The following USP35 variants were observed in gnomAD, a reference collection of about 807,000 sequenced individuals.
USP35 encodes the protein ubiquitin specific peptidase 35, also known as ubiquitin carboxyl-terminal hydrolase 35.
A neutral mutation model predicts 83.8 loss-of-function variants in USP35; 69 were observed. The observed-to-expected ratio is 0.82, with a 90% CI of 0.68 to 1.01. The LOEUF (loss-of-function observed/expected upper bound fraction) is 1.01. USP35 is among the 50% of genes least tolerant of loss of function. USP35 has a pLI of 0.00. For synonymous variants in USP35, 714 were observed against 589.5 expected (o/e 1.21, Z -3.06); for missense variants, 1,503 against 1,362.5 (o/e 1.10, Z -1.62).
intron 2 of USP35, 32 bp from the exon 3 acceptor site, chr11:78,197,904 C>T: frequency 1.2e-6 from 2 of 1,606,750 alleles, no homozygotes; most frequent in Non-Finnish European, 1.7e-6. Flanking sequence ...GGCCTGCCTC[C>T]CTGCTAAGCT....
intron 10 of USP35, 29 bp from the exon 11 acceptor site, chr11:78,213,590 CTCTGGCTTCAGGGTGTGAATTCTAAGT>C: frequency 1.4e-6 from 2 of 1,432,824 alleles, no homozygotes; most frequent in East Asian, 5.6e-5. Flanking sequence ...GGTAGACTCA[CTCTGGCTTCAGGGTGTGAATTCTAAGT>C]CTAAGTCTCC....
chr11:78,233,857 G>T, the USP35 span, among the ~76,000 whole-genome samples: 1 of 152,134 alleles, frequency 6.6e-6, no homozygotes, highest in Non-Finnish European at 1.5e-5. Context: ...CAAGTTATCT[G>T]CCTGCTGCCT....
chr11:78,226,988 T>C, the USP35 span: 1 of 1,613,886 alleles, frequency 6.2e-7, no homozygotes, highest in East Asian at 2.2e-5. Flanking sequence ...GGGCAAGTTT[T>C]TGTACAGCTG....
downstream of USP35, chr11:78,219,526 G>T (rs1253904687): frequency 1.1e-5 from 10 of 938,434 alleles, no homozygotes; most frequent in African/African-American, 1.6e-5. Context: ...GAAGAGCATG[G>T]CCTCTGCCTG....
At chr11:78,206,130 A>T (rs1863524248) in intron 7 of USP35, 95 bp downstream of exon 7, 416 of 1,147,214 alleles carry the variant, frequency 3.6e-4, no homozygotes, top group Middle Eastern at 6.6e-4. Flanking sequence ...GGGGTTGGAG[A>T]GGGTGGGCCT....
chr11:78,225,169 C>A, the USP35 span: 2 of 1,613,316 alleles, frequency 1.2e-6, no homozygotes. Context: ...CTCTCCACCA[C>A]GCTGTGGGTA....
chr11:78,226,885 C>G, the USP35 span: 35 of 1,614,082 alleles, frequency 2.2e-5, no homozygotes, highest in Non-Finnish European at 2.8e-5. Context: ...TAGGTACTGT[C>G]TCTGAATTCT....
At chr11:78,234,816 C>G in the USP35 span, among the ~76,000 whole-genome samples, 1 of 151,950 alleles carries the variant, frequency 6.6e-6, no homozygotes, top group Non-Finnish European at 1.5e-5. Flanking sequence ...TCTTTGGTTG[C>G]TTGGCCAACA....
chr11:78,225,155 C>T, the USP35 span: 1 of 1,613,766 alleles, frequency 6.2e-7, no homozygotes, highest in Non-Finnish European at 8.5e-7. Flanking sequence ...GACCGGCCTG[C>T]ACTCTCTCCA....
chr11:78,234,322 A>G, the USP35 span, among the ~76,000 whole-genome samples: 2 of 152,094 alleles, frequency 1.3e-5, no homozygotes, highest in Non-Finnish European at 2.9e-5. Flanking sequence ...AGCTCAAGCA[A>G]TCTGCCCTTC....
At chr11:78,202,423 TTCATA>T (rs773276344) in intron 6 of USP35, among the ~76,000 whole-genome samples, 44 of 152,184 alleles carry the variant, frequency 2.9e-4, no homozygotes, top group Non-Finnish European at 3.5e-4. Flanking sequence ...GGGGTTCAAA[TTCATA>T]TCATTTTGGG....
chr11:78,214,398 T>TAGCTTCTCACAGCAGGAGGCC lies in USP35; in HGVS notation c.*586_*606dup, dbSNP rs1863993275. ...GGTTTTGGGGGGGGGGGCGGGGGGCTAGCTTCTCACAGCAGGAGGCCTTTG... is the reference window on the plus strand; with the variant it reads ...GGTTTTGGGGGGGGGGGCGGGGGGCTAGCTTCTCACAGCAGGAGGCCAGCTTCTCACAGCAGGAGGCCTTTG... On this transcript the variant is annotated 3_prime_UTR_variant, in exon 11 of 11. Coordinates refer to ENST00000529308, the MANE Select transcript of USP35 (RefSeq NM_020798.4). The TAGCTTCTCACAGCAGGAGGCC allele has an allele frequency of 9.8e-6, 1 of 102,342 alleles. No individual in the cohort carries two copies. Among genetic ancestry groups the TAGCTTCTCACAGCAGGAGGCC allele is most frequent in the African/African-American group, 3.3e-5 (1 of 30,530 alleles). 6.3% of individuals were successfully genotyped at this position (102,342 alleles called of 1,614,324 possible).
At chr11:78,212,358 G>A (rs560799859) in intron 10 of USP35, among the ~76,000 whole-genome samples, 1 of 152,324 alleles carries the variant, frequency 6.6e-6, no homozygotes, top group East Asian at 1.9e-4. Context: ...AGCATAGTTT[G>A]AAGTCAGGTA....
the USP35 span, among the ~76,000 whole-genome samples, chr11:78,235,282 A>C: frequency 1.3e-5 from 2 of 151,648 alleles, no homozygotes; most frequent in African/African-American, 2.4e-5. Context: ...TCTCCCGAGT[A>C]GCTGGGACTA....
intron 3 of USP35, chr11:78,198,705 T>C (rs1863233129): frequency 2.0e-6 from 2 of 985,130 alleles, no homozygotes; most frequent in Non-Finnish European, 2.4e-6. Context: ...TGGGTAAGAG[T>C]GTGGGCTCTC....
In USP35 at chr11:78,207,607, T is replaced by G; in HGVS notation, c.1469T>G (p.Phe490Cys). 6.2e-7 allele frequency: 1 copy of G among 1,614,054 alleles called. No individual in the cohort carries two copies. Among genetic ancestry groups the G allele is most frequent in the South Asian group, 1.1e-5 (1 of 91,092 alleles). Residue 490 changes from phenylalanine (F) to cysteine (C), a missense_variant, in exon 8 of 11, where the codon TTC becomes TGC. Transcript: ENST00000529308. ...LMTKLQWLFGFLEHSQRPAIS... is the reference protein window; with the variant it reads ...LMTKLQWLFGCLEHSQRPAIS... ...ACCAAGCTGCAGTGGCTCTTTGGCT[T>G]CCTAGAACACAGCCAGGTGAGTGTA...
chr11:78,232,349 G>C, the USP35 span, among the ~76,000 whole-genome samples: 1 of 152,178 alleles, frequency 6.6e-6, no homozygotes, highest in African/African-American at 2.4e-5. Flanking sequence ...TCACATCAAT[G>C]TATCATCTGT....
Position 78,210,286 on chromosome 11 carries a change from T to G in USP35, c.2431T>G (p.Phe811Val), listed in dbSNP as rs1863707506. The G allele has an allele frequency of 6.2e-7, 1 of 1,613,978 alleles. No homozygotes were observed. The highest frequency in any genetic ancestry group is 2.2e-5 in the East Asian group (1 of 44,890). Residue 811 changes from phenylalanine (F) to valine (V), a missense_variant, in exon 10 of 11, where the codon TTC becomes GTC. By Grantham distance (50) the Phe-to-Val change is conservative (BLOSUM62 -1). Coordinates refer to ENST00000529308, the MANE Select transcript of USP35 (RefSeq NM_020798.4). Reference sequence around the variant, plus strand: ...CTACCTCATCCTCACACTGCTGCGCTTCTCTTTCGACCTGCGCACCATGCG... The same window carrying G: ...CTACCTCATCCTCACACTGCTGCGCGTCTCTTTCGACCTGCGCACCATGCG... ...PCYLILTLLR[F>V]SFDLRTMRRR... is the part of the protein sequence containing the mutation.
intron 8 of USP35, 95 bp downstream of exon 8, chr11:78,207,718 G>A: frequency 7.9e-7 from 1 of 1,260,764 alleles, no homozygotes; most frequent in Non-Finnish European, 1.1e-6. Flanking sequence ...GCCTGCATCT[G>A]GCTGTCATCT....
Sources: gnomAD v4.1 joint callset for allele counts (sites outside exome capture counted in the v4.1 genomes callset) on GRCh38, gnomAD v4.1.1 for gene constraint, MANE v1.5 for transcripts, NCBI Gene and HGNC (gene_info 2026-07-23, HGNC 2026-07-21) for gene names.